Variants in IL16 observed in about 807,000 individuals in gnomAD.
The protein encoded by IL16 is pro-interleukin-16.
IL16 carries 67 observed loss-of-function variants against 110.1 expected under a neutral mutation model. The ratio of observed to expected loss-of-function variants is 0.61; its 90% confidence interval spans 0.50 to 0.75. IL16 has a LOEUF of 0.75. Ranked by LOEUF, IL16 falls within the 30% of genes least tolerant of loss-of-function variation. The pLI, the probability that IL16 is intolerant of heterozygous loss-of-function variation, is 0.00. For synonymous variants in IL16, 689 were observed against 662.9 expected (o/e 1.04, Z -0.61); for missense variants, 1,545 against 1,655.0 (o/e 0.93, Z 1.15).
At chr15:81,282,223 G>A (rs1410568406) in intron 8 of IL16, among the ~76,000 whole-genome samples, 4 of 152,150 alleles carry the variant, frequency 2.6e-5, no homozygotes, top group Non-Finnish European at 5.9e-5. Flanking sequence ...CTTCTGAGAT[G>A]CTCTGCCCCA....
chr15:81,278,927 GGCCTTCAGGCAAAGAAACCAA>G (rs1567033074), intron 7 of IL16, 37 bp downstream of exon 7: 1 of 1,411,356 alleles, frequency 7.1e-7, no homozygotes, highest in East Asian at 2.3e-5. Context: ...CAAACTCTGG[GGCCTTCAGGCAAAGAAACCAA>G]GCTCTCAGCA....
chr15:81,292,371 C>A, intron 11 of IL16, 185 bp from the exon 12 acceptor site: 1 of 834,036 alleles, frequency 1.2e-6, no homozygotes, highest in Non-Finnish European at 2.0e-6. Flanking sequence ...TTTTCCCAAC[C>A]CAAAGTCATA....
Position 81,196,918 on chromosome 15 carries a change from T to C in IL16, c.-336T>C, listed in dbSNP as rs1895613958. On this transcript the variant is annotated 5_prime_UTR_variant, in exon 1 of 19. Transcript: ENST00000683961. ...TCACCTGTCCAGAGCAGGTGGTGAA[T>C]ATTGTGTCCTACTCACGGCATCTCA... 8.2e-7 allele frequency: 1 copy of C among 1,224,676 alleles called. No individual in the cohort carries two copies. The highest frequency in any genetic ancestry group is 1.0e-6 in the Non-Finnish European group (1 of 961,346). The allele number at this position is 1,224,676 out of a possible 1,614,324, so 75.9% of individuals were successfully genotyped here. A position where few individuals can be genotyped will look rare whatever the true frequency, so the allele number is the denominator to read the frequency against.
At chr15:81,196,372 G>A (rs1191838173), upstream of IL16, among the ~76,000 whole-genome samples, 2 of 152,148 alleles carry the variant, frequency 1.3e-5, no homozygotes, top group African/African-American at 2.4e-5. Flanking sequence ...CAGATTGATG[G>A]CAGGATTGTA....
chr15:81,205,795 C>T (rs915478155), intron 1 of IL16, among the ~76,000 whole-genome samples: 4 of 152,022 alleles, frequency 2.6e-5, no homozygotes, highest in African/African-American at 9.7e-5. Flanking sequence ...AACTTAATCA[C>T]ATAAAGTTAC....
rs1394462676 is a variant in IL16 at position 81,292,608 on chromosome 15, A to G, written c.1473A>G (p.Glu491=). Residue 491 remains glutamate (E), a synonymous_variant, in exon 12 of 19, where the codon GAA becomes GAG. Transcript: ENST00000683961. ...ACGGGCGGCCCACCTTGGAGAAGGA[A>G]CGAGAGAAGAACTCAGCACCCCCGC... The part of the protein sequence containing the change: ...SWHGRPTLEK[E]REKNSAPPHR... 2 of 1,607,118 alleles carry G rather than the reference A, an allele frequency of 1.2e-6. No individual in the cohort carries two copies. Among genetic ancestry groups the G allele is most frequent in the African/African-American group, 2.7e-5 (2 of 74,824 alleles).
intron 1 of IL16, among the ~76,000 whole-genome samples, chr15:81,219,317 T>A (rs926694970): frequency 9.2e-5 from 14 of 152,198 alleles, no homozygotes; most frequent in African/African-American, 3.1e-4. Context: ...CCATGAGGAA[T>A]GAGCTTTAGC....
chr15:81,246,973 A>G (rs1416327114), intron 2 of IL16, among the ~76,000 whole-genome samples: 1 of 151,356 alleles, frequency 6.6e-6, no homozygotes, highest in Non-Finnish European at 1.5e-5. Context: ...TATGCTATAC[A>G]GTTATTTGTA....
rs146097062 is a variant in IL16 at position 81,231,008 on chromosome 15, C to T, written c.312+5297C>T. The stretch of plus-strand genomic sequence containing the variant: ...GCAGGAGTGAGAGGGATCACTCCTA[C>T]ATCTCAGAAGTCAAACCTGGCCCCA... On this transcript the variant is annotated intron_variant, in intron 2 of 18. Coordinates refer to ENST00000683961, the MANE Select transcript of IL16 (RefSeq NM_172217.5). Among the ~76,000 whole-genome samples, 346 of 151,968 alleles carry T rather than the reference C, an allele frequency of 2.3e-3. 1 individual carries two copies. Among genetic ancestry groups the T allele is most frequent in the African/African-American group, 8.1e-3 (336 of 41,420 alleles).
intron 8 of IL16, 25 bp downstream of exon 8, chr15:81,279,799 G>A (rs184301414): frequency 1.8e-5 from 29 of 1,598,884 alleles, no homozygotes; most frequent in South Asian, 1.7e-4. Flanking sequence ...GCTGTGTCCC[G>A]TGCCTGGGTC....
chr15:81,251,247 A>C (rs1415381345), intron 2 of IL16, among the ~76,000 whole-genome samples: 1 of 151,980 alleles, frequency 6.6e-6, no homozygotes, highest in Non-Finnish European at 1.5e-5. Flanking sequence ...CCTCACTGCA[A>C]TCTCAACCTC....
At chr15:81,185,145 C>G (rs373304905) in intron 1 of IL16, among the ~76,000 whole-genome samples, 1 of 152,000 alleles carries the variant, frequency 6.6e-6, no homozygotes, top group African/African-American at 2.4e-5. Context: ...CACCATCCCC[C>G]CAACGTCTCT....
chr15:81,182,909 CCTT>C (rs1324046875), intron 1 of IL16: 10 of 1,287,058 alleles, frequency 7.8e-6, no homozygotes, highest in East Asian at 5.6e-5. Context: ...GAGTGGAGCT[CCTT>C]CTCCTATCCC....
chr15:81,206,892 T>TGATGATGAC (rs1243892711), intron 1 of IL16, among the ~76,000 whole-genome samples: 7 of 151,802 alleles, frequency 4.6e-5, no homozygotes, highest in Admixed American at 4.6e-4. Flanking sequence ...ATGATGATGA[T>TGATGATGAC]GACGATGACA....
intron 1 of IL16, among the ~76,000 whole-genome samples, chr15:81,183,635 C>T (rs1394656170): frequency 6.6e-6 from 1 of 152,210 alleles, no homozygotes; most frequent in Admixed American, 6.5e-5. Flanking sequence ...AAGTCAAAGG[C>T]ATATTCTGAC....
chr15:81,299,408 A>T lies in IL16; in HGVS notation c.2082A>T (p.Pro694=), dbSNP rs1900148022. ...CCCAAACATCCCCGATAAAACACCC[A>T]CTGCTTAAGAGGCAGGCTCGGATGG... ...PVTQTSPIKH[P]LLKRQARMDY... The change falls in exon 14 of 19, where the codon CCA becomes CCT. Residue 694 remains proline, a synonymous_variant. Transcript: ENST00000683961. 1 of 1,613,762 alleles carries T rather than the reference A, an allele frequency of 6.2e-7. No homozygotes were observed. The highest frequency in any genetic ancestry group is 1.1e-5 in the South Asian group (1 of 91,076).
At chr15:81,204,683 C>T (rs916538233) in intron 1 of IL16, among the ~76,000 whole-genome samples, 4 of 150,610 alleles carry the variant, frequency 2.7e-5, no homozygotes, top group Non-Finnish European at 2.9e-5. Flanking sequence ...CACATGTATA[C>T]GTATGTAACA....
intron 10 of IL16, 44 bp from the exon 11 acceptor site, chr15:81,290,409 G>A: frequency 7.0e-7 from 1 of 1,429,382 alleles, no homozygotes; most frequent in African/African-American, 1.4e-5. Flanking sequence ...GCCTGATGCA[G>A]GAGCTTCTAC....
At chr15:81,275,014 G>A (rs1450703747) in intron 6 of IL16, among the ~76,000 whole-genome samples, 2 of 152,054 alleles carry the variant, frequency 1.3e-5, no homozygotes, top group African/African-American at 2.4e-5. Context: ...GGAGGAGAAG[G>A]GAGCAGATGA....
Sources: allele counts gnomAD v4.1 joint callset (sites outside exome capture counted in the v4.1 genomes callset), GRCh38; gene constraint gnomAD v4.1.1; transcripts MANE v1.5; gene names NCBI Gene and HGNC (gene_info 2026-07-23, HGNC 2026-07-21).